LOC128092252: variants seen among roughly 807,000 people sequenced by gnomAD.
chr15:50,655,586 A>T, the LOC128092252 span, among the ~76,000 whole-genome samples: 17 of 152,202 alleles, frequency 1.1e-4, no homozygotes, highest in African/African-American at 3.4e-4. Context: ...AGAAAAAAAA[A>T]ATATTTAAAG....
chr15:50,665,075 T>G, the LOC128092252 span, among the ~76,000 whole-genome samples: 1 of 152,142 alleles, frequency 6.6e-6, no homozygotes, highest in African/African-American at 2.4e-5. Context: ...AGAAGATCCA[T>G]TCATTCTTCT....
the LOC128092252 span, among the ~76,000 whole-genome samples, chr15:50,680,493 C>T: frequency 2.0e-5 from 3 of 151,384 alleles, no homozygotes; most frequent in East Asian, 1.9e-4. Flanking sequence ...GGCTTGAACC[C>T]GGGAGGCGGA....
the LOC128092252 span, among the ~76,000 whole-genome samples, chr15:50,660,320 T>C: frequency 2.6e-3 from 398 of 152,208 alleles, 1 homozygote; most frequent in African/African-American, 9.2e-3. Flanking sequence ...ATTTTCTCAA[T>C]AATAAATAAA....
the LOC128092252 span, among the ~76,000 whole-genome samples, chr15:50,653,052 A>G: frequency 7.2e-5 from 11 of 152,134 alleles, no homozygotes; most frequent in African/African-American, 2.7e-4. Context: ...TTGGGAAGCT[A>G]AAGGGAAAAG....
chr15:50,648,942 A>G, the LOC128092252 span: 1 of 1,416,456 alleles, frequency 7.1e-7, no homozygotes, highest in Non-Finnish European at 9.5e-7. Context: ...TAATGAAAAA[A>G]TGGAATTAAA....
chr15:50,686,526 A>G, the LOC128092252 span: 8 of 1,612,352 alleles, frequency 5.0e-6, no homozygotes, highest in Non-Finnish European at 6.8e-6. Context: ...GCGTGGGTCC[A>G]GTACCATTCT....
At chr15:50,672,436 A>G in the LOC128092252 span, among the ~76,000 whole-genome samples, 1 of 151,700 alleles carries the variant, frequency 6.6e-6, no homozygotes, top group East Asian at 1.9e-4. Context: ...CACTGTTATC[A>G]TAGAAAATGA....
the LOC128092252 span, among the ~76,000 whole-genome samples, chr15:50,660,164 C>A: frequency 4.1e-4 from 63 of 152,070 alleles, no homozygotes; most frequent in Admixed American, 7.9e-4. Context: ...ATATCTTTAA[C>A]AAGTAGTAAG....
chr15:50,652,840 A>G, the LOC128092252 span, among the ~76,000 whole-genome samples: 2,127 of 152,234 alleles, frequency 0.014, 41 homozygotes, highest in Non-Finnish European at 0.017. Flanking sequence ...TCTCAAAAAA[A>G]GAAAAAAAGG....
At chr15:50,683,259 A>G in the LOC128092252 span, among the ~76,000 whole-genome samples, 1 of 151,928 alleles carries the variant, frequency 6.6e-6, no homozygotes, top group Non-Finnish European at 1.5e-5. Context: ...CAATTTACTT[A>G]TATGTTGAAA....
At chr15:50,671,326 C>A in the LOC128092252 span, among the ~76,000 whole-genome samples, 56 of 152,148 alleles carry the variant, frequency 3.7e-4, no homozygotes, top group African/African-American at 1.3e-3. Context: ...CTTTCTGTTC[C>A]TGGCTTATTT....
chr15:50,673,063 TTA>T, the LOC128092252 span, among the ~76,000 whole-genome samples: 1 of 151,204 alleles, frequency 6.6e-6, no homozygotes, highest in African/African-American at 2.4e-5. Context: ...TAAGCTAGCG[TTA>T]ATTTATTATT....
chr15:50,671,778 C>T, the LOC128092252 span, among the ~76,000 whole-genome samples: 8 of 152,076 alleles, frequency 5.3e-5, no homozygotes, highest in Non-Finnish European at 1.2e-4. Flanking sequence ...CCACTACACT[C>T]CAGCCTGGGT....
chr15:50,662,536 C>T, the LOC128092252 span, among the ~76,000 whole-genome samples: 17 of 151,958 alleles, frequency 1.1e-4, no homozygotes, highest in African/African-American at 3.4e-4. Context: ...TATTGGCAAA[C>T]AAAAAGAATG....
chr15:50,685,674 T>C, the LOC128092252 span, among the ~76,000 whole-genome samples: 4 of 152,354 alleles, frequency 2.6e-5, no homozygotes, highest in Admixed American at 2.6e-4. Flanking sequence ...AAATACCTAC[T>C]TTGCTCTTCA....
the LOC128092252 span, among the ~76,000 whole-genome samples, chr15:50,653,637 C>G: frequency 6.6e-6 from 1 of 152,024 alleles, no homozygotes; most frequent in Non-Finnish European, 1.5e-5. Flanking sequence ...GAGATGACAC[C>G]TAGGCAGAAA....
the LOC128092252 span, among the ~76,000 whole-genome samples, chr15:50,669,669 G>C: frequency 8.4e-4 from 128 of 152,132 alleles, 1 homozygote; most frequent in African/African-American, 3.0e-3. Context: ...CAAGAACTAT[G>C]GTATACCTGT....
At chr15:50,657,744 T>A in the LOC128092252 span, 3 of 1,588,120 alleles carry the variant, frequency 1.9e-6, no homozygotes, top group Admixed American at 3.5e-5. Context: ...TTTATTTATT[T>A]TCCGAAATTT....
At chr15:50,673,470 C>A in the LOC128092252 span, among the ~76,000 whole-genome samples, 1 of 152,056 alleles carries the variant, frequency 6.6e-6, no homozygotes, top group East Asian at 1.9e-4. Flanking sequence ...CATTCTTATG[C>A]CTTTGCGTCC....
Sources: gnomAD v4.1 joint callset for allele counts (sites outside exome capture counted in the v4.1 genomes callset) on GRCh38, gnomAD v4.1.1 for gene constraint, MANE v1.5 for transcripts.